Variants in GPC6 observed in about 807,000 individuals in gnomAD.
GPC6 encodes the protein glypican 6.
GPC6 carries 14 observed loss-of-function variants against 55.2 expected under a neutral mutation model. The ratio of observed to expected loss-of-function variants is 0.25; its 90% CI spans 0.17 to 0.40. GPC6 has a LOEUF of 0.40. Ranked by LOEUF, GPC6 falls within the 10% of genes least tolerant of loss-of-function variation. The pLI is 1.00. For missense variants in GPC6, 641 were observed against 708.5 expected, an observed-to-expected ratio of 0.90 and a Z score of 1.08; for synonymous variants, 278 against 259.6, an observed-to-expected ratio of 1.07 and a Z score of -0.68.
chr13:93,427,232 C>T (rs955058966), intron 1 of GPC6, among the ~76,000 whole-genome samples: 1 of 151,856 alleles, frequency 6.6e-6, no homozygotes, highest in Non-Finnish European at 1.5e-5. Flanking sequence ...ACTTTCTTCA[C>T]AGAATTGGAA....
intron 3 of GPC6, among the ~76,000 whole-genome samples, chr13:93,879,658 G>A (rs1024392650): frequency 6.6e-6 from 1 of 150,934 alleles, no homozygotes; most frequent in Non-Finnish European, 1.5e-5. Context: ...GCATGGGCAA[G>A]GACTTCATGT....
At position 94,404,869 on chromosome 13, in the gene GPC6, A is replaced by T. The variant is rs1000032008; in HGVS notation, c.*1652A>T. 1 of 152,210 alleles carries T rather than the reference A, an allele frequency of 6.6e-6. No homozygotes were observed. The highest frequency in any genetic ancestry group is 1.5e-5 in the Non-Finnish European group (1 of 68,042). 9.4% of individuals were successfully genotyped at this position (152,210 alleles called of 1,614,324 possible). On this transcript the variant is annotated 3_prime_UTR_variant, in exon 9 of 9. Transcript: ENST00000377047. ...CCTTTCGCTCCCCCTGACAGAGAGA[A>T]GCAAAATAAACCCAACTGGGGGCTT...
intron 2 of GPC6, among the ~76,000 whole-genome samples, chr13:93,547,080 C>A (rs553340925): frequency 6.6e-6 from 1 of 151,700 alleles, no homozygotes; most frequent in African/African-American, 2.4e-5. Context: ...CCTGTAATCC[C>A]AGCACTTTGG....
At chr13:94,126,938 G>T (rs1425379538) in intron 4 of GPC6, among the ~76,000 whole-genome samples, 1 of 151,978 alleles carries the variant, frequency 6.6e-6, no homozygotes, top group Non-Finnish European at 1.5e-5. Flanking sequence ...TTGGTATATA[G>T]ATTAAAAGTG....
chr13:94,269,391 T>C (rs1400569639), intron 4 of GPC6, among the ~76,000 whole-genome samples: 1 of 152,220 alleles, frequency 6.6e-6, no homozygotes, highest in Admixed American at 6.5e-5. Flanking sequence ...GTGATATTGA[T>C]GTCTTCCTAT....
At chr13:94,338,290 TG>T (rs554715301) in intron 6 of GPC6, among the ~76,000 whole-genome samples, 139 of 152,300 alleles carry the variant, frequency 9.1e-4, no homozygotes, top group African/African-American at 3.0e-3. Flanking sequence ...CCAGAAAGTT[TG>T]GGGGAACCCA....
At chr13:93,939,740 G>A (rs1262503662) in intron 3 of GPC6, among the ~76,000 whole-genome samples, 1 of 152,014 alleles carries the variant, frequency 6.6e-6, no homozygotes, top group Non-Finnish European at 1.5e-5. Flanking sequence ...ATGAGCCACT[G>A]CACCTAACCA....
chr13:94,196,652 C>T (rs1005013917), intron 4 of GPC6, among the ~76,000 whole-genome samples: 4 of 152,066 alleles, frequency 2.6e-5, no homozygotes, highest in Non-Finnish European at 5.9e-5. Context: ...AAGAGTTTTA[C>T]CCAAGTGATT....
intron 2 of GPC6, among the ~76,000 whole-genome samples, chr13:93,801,742 G>GA (rs1886379570): frequency 1.3e-5 from 2 of 152,142 alleles, no homozygotes; most frequent in Non-Finnish European, 2.9e-5. Flanking sequence ...GTCCAATTGG[G>GA]AATTCTTACA....
intron 1 of GPC6, among the ~76,000 whole-genome samples, chr13:93,525,445 G>T (rs1881609463): frequency 6.6e-6 from 1 of 151,982 alleles, no homozygotes; most frequent in Non-Finnish European, 1.5e-5. Flanking sequence ...TAGCTTCTAG[G>T]ATTTTATCTG....
At chr13:93,405,434 C>T (rs550598437) in intron 1 of GPC6, among the ~76,000 whole-genome samples, 3 of 152,188 alleles carry the variant, frequency 2.0e-5, no homozygotes, top group Admixed American at 6.5e-5. Flanking sequence ...ATCCTTTCGC[C>T]GCTGGAGTCA....
chr13:94,194,111 C>G (rs1889486601), intron 4 of GPC6, among the ~76,000 whole-genome samples: 1 of 152,074 alleles, frequency 6.6e-6, no homozygotes, highest in Non-Finnish European at 1.5e-5. Flanking sequence ...TATATCATTG[C>G]AGATACAGTT....
At chr13:94,061,792 G>GA (rs1169080658) in intron 4 of GPC6, among the ~76,000 whole-genome samples, 2 of 146,656 alleles carry the variant, frequency 1.4e-5, no homozygotes, top group East Asian at 4.3e-4. Context: ...TCAGCCCTGG[G>GA]GGAAAAAAAA....
chr13:93,798,378 G>A (rs1219036142), intron 2 of GPC6, among the ~76,000 whole-genome samples: 1 of 152,116 alleles, frequency 6.6e-6, no homozygotes, highest in Non-Finnish European at 1.5e-5. Context: ...GTGATAAGAA[G>A]TTGAATTTTA....
chr13:93,262,728 T>C (rs1446008281), intron 1 of GPC6, among the ~76,000 whole-genome samples: 1 of 152,182 alleles, frequency 6.6e-6, no homozygotes, highest in African/African-American at 2.4e-5. Flanking sequence ...ACCCCCAAGT[T>C]GCATTTTATT....
intron 2 of GPC6, among the ~76,000 whole-genome samples, chr13:93,737,325 T>A (rs1460712189): frequency 6.6e-6 from 1 of 152,182 alleles, no homozygotes; most frequent in Non-Finnish European, 1.5e-5. Flanking sequence ...TAATTAAGGC[T>A]TTGATGAAAG....
At position 94,406,033 on chromosome 13, in the gene GPC6, G is replaced by A. The variant is rs900559458; in HGVS notation, c.*2816G>A. The A allele has an allele frequency of 3.9e-5, 6 of 151,952 alleles. No individual in the cohort carries two copies. Among genetic ancestry groups the A allele is most frequent in the Non-Finnish European group, 8.8e-5 (6 of 67,966 alleles). The allele number at this position is 151,952 out of a possible 1,614,324, so 9.4% of individuals were successfully genotyped here. ...GCAATGAGGCTTCATTATTTTTTAT[G>A]ACCTGCCCCTCATTTGCTCTGATGT... On this transcript the variant is annotated 3_prime_UTR_variant, in exon 9 of 9. Coordinates refer to ENST00000377047, the MANE Select transcript of GPC6 (RefSeq NM_005708.5).
intron 6 of GPC6, among the ~76,000 whole-genome samples, chr13:94,362,766 G>A (rs557953180): frequency 6.6e-6 from 1 of 152,246 alleles, no homozygotes; most frequent in Admixed American, 6.5e-5. Context: ...CAAAGTTACA[G>A]TAAATCAATA....
intron 1 of GPC6, among the ~76,000 whole-genome samples, chr13:93,522,680 A>T (rs1026762936): frequency 6.6e-6 from 1 of 151,914 alleles, no homozygotes; most frequent in Admixed American, 6.6e-5. Context: ...AAAACAAAAC[A>T]GTGGATGTAG....
Sources: allele counts gnomAD v4.1 joint callset (sites outside exome capture counted in the v4.1 genomes callset), GRCh38; gene constraint gnomAD v4.1.1; transcripts MANE v1.5; gene names NCBI Gene and HGNC (gene_info 2026-07-23, HGNC 2026-07-21).